ACSM3: variants seen among roughly 807,000 people sequenced by gnomAD.
ACSM3 encodes the protein acyl-CoA synthetase medium chain family member 3, also known as acyl-coenzyme A synthetase ACSM3, mitochondrial.
Under a neutral mutation model 74.1 loss-of-function variants are expected in ACSM3, and 61 were observed. The observed-to-expected ratio is 0.82, with a 90% CI of 0.67 to 1.02. ACSM3 has a LOEUF of 1.02. ACSM3 is among the 50% of genes least tolerant of loss of function. The probability of loss-of-function intolerance (pLI) is 0.00; values close to 1 mark genes in which losing one functional copy is unlikely to be tolerated. For missense variants in ACSM3, 660 were observed against 697.0 expected (o/e 0.95, Z 0.60); for synonymous variants, 213 against 241.5 (o/e 0.88, Z 1.09).
At chr16:20,750,280 T>G (rs1419476277) in intron 2 of ACSM3, among the ~76,000 whole-genome samples, 2 of 152,216 alleles carry the variant, frequency 1.3e-5, no homozygotes, top group Non-Finnish European at 2.9e-5. Context: ...TATGTTAAAA[T>G]AGTGTTATTT....
At chr16:20,690,852 A>C in intron 1 of ACSM3, 1 of 740,922 alleles carries the variant, frequency 1.3e-6, no homozygotes, top group South Asian at 2.3e-5. Flanking sequence ...CTGGGAATAG[A>C]ACCTTGAAAT....
intron 1 of ACSM3, among the ~76,000 whole-genome samples, chr16:20,705,620 ACAAAATCCAGATTCTCTAC>A (rs1174536745): frequency 3.3e-5 from 5 of 152,208 alleles, no homozygotes; most frequent in Non-Finnish European, 5.9e-5. Flanking sequence ...AATAAACAAA[ACAAAATCCAGATTCTCTAC>A]CAAAATCCAG....
chr16:20,700,588 G>C lies in ACSM3; in HGVS notation c.-190+25766G>C, dbSNP rs145453100. 5.4e-3 allele frequency among the ~76,000 whole-genome samples: 811 copies of C among 150,260 alleles called. 7 individuals carry two copies. The highest frequency in any genetic ancestry group is 0.019 in the African/African-American group (768 of 41,360). ...GGACTGGGATGGCAGATTACTGAGT[G>C]AGAAGTATGATAAAGTGTGAGGTCA... On this transcript the variant is annotated intron_variant, in intron 1 of 3. Transcript: ENST00000561584.
chr16:20,761,600 T>C (rs968972753), upstream of ACSM3, among the ~76,000 whole-genome samples: 3 of 152,118 alleles, frequency 2.0e-5, no homozygotes, highest in African/African-American at 7.2e-5. Context: ...CAGGCAGATA[T>C]GGGCAAGGCA....
chr16:20,741,500 G>A (rs1247659482), intron 1 of ACSM3: 1 of 214,626 alleles, frequency 4.7e-6, no homozygotes. Context: ...CCCACCCCGG[G>A]ACCGGTACCT....
intron 1 of ACSM3, among the ~76,000 whole-genome samples, chr16:20,689,173 T>C (rs2079608698): frequency 6.6e-6 from 1 of 151,774 alleles, no homozygotes; most frequent in African/African-American, 2.4e-5. Context: ...TTATTGGCCT[T>C]ATAATGTCAT....
rs773261352 is a variant in ACSM3, at chr16:20,770,045, G to T, written c.11G>T (p.Arg4Leu). 6 of 1,614,018 alleles carry T rather than the reference G, an allele frequency of 3.7e-6. No individual in the cohort carries two copies. In the East Asian group the frequency reaches 1.1e-4, roughly 30 times the overall value. The change falls in exon 2 of 14, where the codon CGT becomes CTT. Residue 4 changes from arginine to leucine, a missense_variant. Arg to Leu is a moderately radical substitution (Grantham distance 102). Transcript: ENST00000289416. MLA[R>L]VTRKMLRHAK... ...CTTCCAACAAGACTGATGCTAGCTC[G>T]TGTCACCAGGAAGATGCTACGTCAT...
intron 1 of ACSM3, among the ~76,000 whole-genome samples, chr16:20,722,453 A>C (rs931310328): frequency 1.3e-5 from 2 of 152,196 alleles, no homozygotes; most frequent in Non-Finnish European, 2.9e-5. Context: ...GGAGCTCTAA[A>C]ACATTAGTAT....
intron 1 of ACSM3, among the ~76,000 whole-genome samples, chr16:20,682,924 C>T (rs888631856): frequency 1.3e-5 from 2 of 152,024 alleles, no homozygotes; most frequent in Non-Finnish European, 2.9e-5. Flanking sequence ...CTGTATTTCA[C>T]CACATTGTCC....
intron 1 of ACSM3, among the ~76,000 whole-genome samples, chr16:20,698,622 C>T (rs2079703104): frequency 1.3e-5 from 2 of 152,094 alleles, no homozygotes; most frequent in South Asian, 4.2e-4. Flanking sequence ...GAGTCTCTTG[C>T]CTCAGCCTCC....
At chr16:20,716,734 C>A (rs2079763072) in intron 1 of ACSM3, among the ~76,000 whole-genome samples, 3 of 152,196 alleles carry the variant, frequency 2.0e-5, no homozygotes, top group Admixed American at 2.0e-4. Context: ...GCTCCTAGAG[C>A]TCAGGGCCTT....
intron 1 of ACSM3, chr16:20,741,694 G>A (rs748457438): frequency 1.2e-5 from 19 of 1,578,492 alleles, no homozygotes; most frequent in Non-Finnish European, 1.6e-5. Flanking sequence ...TTGCCTTTGC[G>A]CTTCCCGCCG....
At chr16:20,700,163 CA>C (rs1396943239) in intron 1 of ACSM3, among the ~76,000 whole-genome samples, 3 of 152,162 alleles carry the variant, frequency 2.0e-5, no homozygotes, top group Non-Finnish European at 4.4e-5. Flanking sequence ...CTACCAACCT[CA>C]GCTTTTTGAA....
At chr16:20,704,302 T>C (rs1215213693) in intron 1 of ACSM3, among the ~76,000 whole-genome samples, 2 of 152,206 alleles carry the variant, frequency 1.3e-5, no homozygotes, top group Non-Finnish European at 2.9e-5. Flanking sequence ...ACTACGTTTT[T>C]ACTAATGAGA....
intron 1 of ACSM3, among the ~76,000 whole-genome samples, chr16:20,688,551 G>A (rs558199454): frequency 7.6e-4 from 116 of 152,152 alleles, no homozygotes; most frequent in African/African-American, 2.6e-3. Context: ...TCATGTACAA[G>A]AGATTCTCAA....
chr16:20,685,489 C>G, intron 1 of ACSM3: 1 of 1,226,586 alleles, frequency 8.2e-7, no homozygotes, highest in Non-Finnish European at 1.2e-6. Flanking sequence ...TAGTCACGTT[C>G]CAATGTGAAC....
At chr16:20,774,532 C>T (rs915510076) in intron 2 of ACSM3, among the ~76,000 whole-genome samples, 3 of 152,192 alleles carry the variant, frequency 2.0e-5, no homozygotes, top group South Asian at 2.1e-4. Flanking sequence ...TGAGCCACTG[C>T]GCCTGGCCCT....
intron 1 of ACSM3, among the ~76,000 whole-genome samples, chr16:20,719,068 G>C (rs1253796270): frequency 6.6e-6 from 1 of 152,184 alleles, no homozygotes; most frequent in African/African-American, 2.4e-5. Flanking sequence ...CCTTTAAGAA[G>C]AGTAGAGGTA....
chr16:20,698,945 C>T (rs1221213880), intron 1 of ACSM3: 9 of 152,158 alleles, frequency 5.9e-5, no homozygotes, highest in African/African-American at 1.7e-4. Context: ...TGGGCATAGT[C>T]GATGTTGGCT....
Sources: gnomAD v4.1 joint callset for allele counts (sites outside exome capture counted in the v4.1 genomes callset) on GRCh38, gnomAD v4.1.1 for gene constraint, MANE v1.5 for transcripts, NCBI Gene and HGNC (gene_info 2026-07-23, HGNC 2026-07-21) for gene names.